ADRA1B: variants seen among roughly 807,000 people sequenced by gnomAD.
ADRA1B encodes the protein alpha-1B adrenergic receptor.
ADRA1B carries 17 observed loss-of-function variants against 17.9 expected under a neutral mutation model. That is an observed-to-expected ratio of 0.95 (90% CI 0.65 to 1.42). The LOEUF (loss-of-function observed/expected upper bound fraction) is 1.42. ADRA1B is among the 40% of genes most tolerant of loss of function. The pLI, the probability that ADRA1B is intolerant of heterozygous loss-of-function variation, is 0.00. For missense variants in ADRA1B, 681 were observed against 722.1 expected, an observed-to-expected ratio of 0.94 and a Z score of 0.65; for synonymous variants, 366 against 327.6, an observed-to-expected ratio of 1.12 and a Z score of -1.27.
At position 159,866,594 on chromosome 5, in the gene ADRA1B, G is replaced by GAAA. The variant is rs59632607; in HGVS notation, c.-256+1400_-256+1402dup. ...AGAGTGAGACTCCATCTCAAAAAAG[G>GAAA]AAAAAAAAAAAAAAGATAGTAATGG... On this transcript the variant is annotated intron_variant, in intron 1 of 2. Coordinates refer to the ADRA1B transcript ENST00000641205. Among the ~76,000 whole-genome samples the GAAA allele has an allele frequency of 9.4e-3, 1,307 of 139,298 alleles. 20 individuals are homozygous for GAAA. Among genetic ancestry groups the GAAA allele is most frequent in the African/African-American group, 0.032 (1,229 of 38,392 alleles). 91.4% of individuals were successfully genotyped at this position (139,298 alleles called of 152,430 possible). A position where few individuals can be genotyped will look rare whatever the true frequency, so the allele number is the denominator to read the frequency against.
intron 1 of ADRA1B, among the ~76,000 whole-genome samples, chr5:159,896,379 C>A (rs1754040664): frequency 6.6e-6 from 1 of 152,196 alleles, no homozygotes; most frequent in African/African-American, 2.4e-5. Context: ...ATGCAGCCAT[C>A]TTCTGGGGAA....
intron 1 of ADRA1B, among the ~76,000 whole-genome samples, chr5:159,947,162 G>A (rs979227369): frequency 5.3e-5 from 8 of 152,096 alleles, no homozygotes. Flanking sequence ...CCAACATGGC[G>A]AAACCCTATC....
the ADRA1B span, among the ~76,000 whole-genome samples, chr5:159,988,622 T>A: frequency 6.6e-6 from 1 of 152,040 alleles, no homozygotes; most frequent in Non-Finnish European, 1.5e-5. Context: ...GCCATAGAGG[T>A]ACGTCTACAC....
At chr5:159,944,073 T>C (rs1165221155) in intron 1 of ADRA1B, among the ~76,000 whole-genome samples, 3 of 152,220 alleles carry the variant, frequency 2.0e-5, no homozygotes, top group Non-Finnish European at 4.4e-5. Flanking sequence ...TATCACATCT[T>C]ACAGAGACCA....
Position 159,954,269 on chromosome 5 carries a change from G to A in ADRA1B, c.950-17610G>A, listed in dbSNP as rs536135185. Among the ~76,000 whole-genome samples, 3 of 152,360 alleles carry A rather than the reference G, an allele frequency of 2.0e-5. No individual in the cohort carries two copies. The South Asian group carries it at 6.2e-4, about 32-fold the overall frequency. ...ACAGTTCTGGAGGCTGGAAGTCCGA[G>A]ATCAGGGTGCTGGTATGGTCAGGTT... On this transcript the variant is annotated intron_variant, in intron 1 of 1. Transcript: ENST00000306675.
chr5:159,865,743 A>G (rs1350771358), intron 1 of ADRA1B, among the ~76,000 whole-genome samples: 2 of 152,184 alleles, frequency 1.3e-5, no homozygotes, highest in Non-Finnish European at 2.9e-5. Flanking sequence ...ACTGCTGTTC[A>G]TAATACCTAT....
Position 159,943,912 on chromosome 5 carries a change from T to TCACACA in ADRA1B, c.949+26081_949+26086dup, listed in dbSNP as rs70987984. ...CATTCTCTCTCTCTCTCTGTCTCTC[T>TCACACA]CACACACACACACACACACACACAC... On this transcript the variant is annotated intron_variant, in intron 1 of 1. Transcript: ENST00000306675. Among the ~76,000 whole-genome samples the TCACACA allele has an allele frequency of 7.1e-3, 1,047 of 147,532 alleles. 15 individuals carry two copies. Among genetic ancestry groups the TCACACA allele is most frequent in the African/African-American group, 0.025 (978 of 39,858 alleles).
rs1277517226 is a variant in ADRA1B, at chr5:159,972,480, C to T, written c.1551C>T (p.Pro517=). 3.1e-6 allele frequency: 4 copies of T among 1,274,280 alleles called. No homozygotes were observed. Among genetic ancestry groups the T allele is most frequent in the African/African-American group, 3.4e-5 (2 of 58,892 alleles). The allele number at this position is 1,274,280 out of a possible 1,614,324, so 78.9% of individuals were successfully genotyped here. The change falls in exon 2 of 2, where the codon CCC becomes CCT. Residue 517 remains proline (P), a synonymous_variant. Transcript: ENST00000306675. ...TCAAAAGCAACATGCCCCTGGCGCC[C>T]GGGCAGTTTTAGGGCCCCCGTGCGC... is the stretch of plus-strand genomic sequence containing the variant. ...PGFKSNMPLA[P]GQF
In ADRA1B at chr5:159,917,789, C is replaced by T. The variant is rs758073042; in HGVS notation, c.884C>T (p.Thr295Met). ...TCCAGGGAAAAGAAAGCAGCTAAGA[C>T]GTTGGGCATTGTGGTCGGTATGTTC... ...KFSREKKAAK[T>M]LGIVVGMFIL... The change falls in exon 1 of 2, where the codon ACG (threonine) becomes ATG (methionine). Residue 295 changes from threonine (T) to methionine (M), a missense_variant. Coordinates refer to ENST00000306675, the MANE Select transcript of ADRA1B (RefSeq NM_000679.4). 12 of 1,613,754 alleles carry T rather than the reference C, an allele frequency of 7.4e-6. No homozygotes were observed. The highest frequency in any genetic ancestry group is 1.1e-5 in the South Asian group (1 of 91,084).
At chr5:159,906,678 C>A (rs1055814870) in intron 1 of ADRA1B, among the ~76,000 whole-genome samples, 1 of 152,172 alleles carries the variant, frequency 6.6e-6, no homozygotes, top group African/African-American at 2.4e-5. Context: ...AAATTCCAGG[C>A]TCTTGATGGA....
chr5:159,891,538 G>T (rs1581021729), intron 1 of ADRA1B, among the ~76,000 whole-genome samples: 1 of 152,176 alleles, frequency 6.6e-6, no homozygotes, highest in African/African-American at 2.4e-5. Flanking sequence ...AGTAGGAAGG[G>T]GAGGCTCTGG....
chr5:159,909,201 C>T (rs892308105), intron 1 of ADRA1B, among the ~76,000 whole-genome samples: 11 of 152,166 alleles, frequency 7.2e-5, no homozygotes, highest in Non-Finnish European at 1.0e-4. Context: ...CTATGCTCCC[C>T]GTTCCCAAGT....
At chr5:159,987,436 G>C in the ADRA1B span, among the ~76,000 whole-genome samples, 9 of 152,216 alleles carry the variant, frequency 5.9e-5, no homozygotes, top group Admixed American at 3.9e-4. Flanking sequence ...TACGTGCAGA[G>C]ACTGGGAAGC....
chr5:159,882,909 A>G (rs561588318), intron 1 of ADRA1B, among the ~76,000 whole-genome samples: 1 of 152,306 alleles, frequency 6.6e-6, no homozygotes, highest in East Asian at 1.9e-4. Flanking sequence ...CTCCAAACTG[A>G]CAATATCAAG....
At chr5:159,967,527 T>C (rs759596318) in intron 1 of ADRA1B, among the ~76,000 whole-genome samples, 1 of 152,216 alleles carries the variant, frequency 6.6e-6, no homozygotes, top group African/African-American at 2.4e-5. Context: ...GTGTTCACAG[T>C]AACTCTATGA....
chr5:159,869,830 A>G (rs760801015), intron 1 of ADRA1B: 1 of 152,348 alleles, frequency 6.6e-6, no homozygotes, highest in East Asian at 1.9e-4. Context: ...ATAAAAGGAG[A>G]TGATTTATGT....
chr5:159,934,629 A>T (rs1164997177), intron 1 of ADRA1B, among the ~76,000 whole-genome samples: 2 of 151,860 alleles, frequency 1.3e-5, no homozygotes, highest in African/African-American at 4.8e-5. Context: ...ACATGGTGAA[A>T]CCCCGTCTGT....
At chr5:159,920,096 T>C (rs1231984930) in intron 1 of ADRA1B, among the ~76,000 whole-genome samples, 1 of 152,136 alleles carries the variant, frequency 6.6e-6, no homozygotes, top group Non-Finnish European at 1.5e-5. Flanking sequence ...CCCCAGCAAA[T>C]AGGATTCAGT....
chr5:159,973,678 G>A (rs1466046707), downstream of ADRA1B, among the ~76,000 whole-genome samples: 1 of 152,182 alleles, frequency 6.6e-6, no homozygotes, highest in Non-Finnish European at 1.5e-5. Flanking sequence ...AAAGCACTGA[G>A]GAAGGTCACA....
Sources: allele counts gnomAD v4.1 joint callset (sites outside exome capture counted in the v4.1 genomes callset), GRCh38; gene constraint gnomAD v4.1.1; transcripts MANE v1.5; gene names NCBI Gene and HGNC (gene_info 2026-07-23, HGNC 2026-07-21).